The following EFHC1 variants were observed in gnomAD, a reference collection of about 807,000 sequenced individuals.
The protein encoded by EFHC1 is EF-hand domain-containing protein 1.
In EFHC1, 53 loss-of-function variants were observed where a neutral mutation model predicts 69.9. That is an observed-to-expected ratio of 0.76 (90% CI 0.61 to 0.95). EFHC1 has a LOEUF of 0.95. Among genes scored for constraint, EFHC1 ranks in the 40% least tolerant of loss-of-function variants. The probability of loss-of-function intolerance (pLI) is 0.00; values close to 1 mark genes in which losing one functional copy is unlikely to be tolerated. For synonymous variants in EFHC1, 256 were observed against 278.4 expected, an observed-to-expected ratio of 0.92 and a Z score of 0.80; for missense variants, 739 against 798.7, an observed-to-expected ratio of 0.93 and a Z score of 0.90.
chr6:52,431,300 T>TG (rs1764409153), intron 2 of EFHC1, among the ~76,000 whole-genome samples: 1 of 152,124 alleles, frequency 6.6e-6, no homozygotes, highest in Non-Finnish European at 1.5e-5. Context: ...TTAGATTGTC[T>TG]GTTAGTGCTC....
intron 2 of EFHC1, chr6:52,430,067 G>A (rs1764383803): frequency 6.6e-6 from 1 of 152,178 alleles, no homozygotes; most frequent in Non-Finnish European, 1.5e-5. Context: ...TTTGTATCCA[G>A]AAACTTCGCT....
chr6:52,435,694 C>T (rs369501184), intron 2 of EFHC1, among the ~76,000 whole-genome samples: 2 of 152,194 alleles, frequency 1.3e-5, no homozygotes, highest in Admixed American at 1.3e-4. Context: ...CTTCCTCCTC[C>T]ATCATAGCCT....
At chr6:52,478,191 C>T (rs1314117120) in intron 7 of EFHC1, among the ~76,000 whole-genome samples, 12 of 151,720 alleles carry the variant, frequency 7.9e-5, no homozygotes, top group Admixed American at 2.6e-4. Flanking sequence ...AACCAAACAC[C>T]GCATATTCTC....
chr6:52,478,256 C>T (rs1765587076), intron 7 of EFHC1, among the ~76,000 whole-genome samples: 1 of 151,236 alleles, frequency 6.6e-6, no homozygotes, highest in Admixed American at 6.6e-5. Flanking sequence ...AGGGGAATTT[C>T]ACACTCTGGG....
intron 5 of EFHC1, among the ~76,000 whole-genome samples, chr6:52,459,880 T>G (rs543304203): frequency 5.3e-5 from 8 of 152,298 alleles, no homozygotes; most frequent in Admixed American, 5.2e-4. Flanking sequence ...TTCACCATGT[T>G]AGCCAGGATG....
At chr6:52,444,316 C>G (rs1055106202) in intron 3 of EFHC1, among the ~76,000 whole-genome samples, 3 of 152,146 alleles carry the variant, frequency 2.0e-5, no homozygotes, top group African/African-American at 7.2e-5. Context: ...CCAGAACTTC[C>G]AACACTCTGT....
At chr6:52,461,017 A>G (rs1765153713) in intron 5 of EFHC1, among the ~76,000 whole-genome samples, 2 of 152,210 alleles carry the variant, frequency 1.3e-5, no homozygotes, top group Admixed American at 1.3e-4. Flanking sequence ...ACTGACATGT[A>G]TTACAGTAAT....
chr6:52,447,693 G>T (rs1764818718), intron 3 of EFHC1, among the ~76,000 whole-genome samples: 1 of 152,210 alleles, frequency 6.6e-6, no homozygotes, highest in South Asian at 2.1e-4. Context: ...TTCTCCCCAT[G>T]TTTGTGGTTT....
chr6:52,460,785 A>G (rs1765147384), intron 5 of EFHC1, among the ~76,000 whole-genome samples: 1 of 152,200 alleles, frequency 6.6e-6, no homozygotes, highest in Admixed American at 6.5e-5. Flanking sequence ...AGTGAAATAC[A>G]TTTCCAGGCA....
rs1766057768 is a variant in EFHC1, at chr6:52,496,226, A to AC, written c.*3885_*3886insC. The AC allele has an allele frequency of 1.9e-5, 3 of 154,580 alleles. No individual in the cohort carries two copies. The allele number at this position is 154,580 out of a possible 1,614,324, so 9.6% of individuals were successfully genotyped here. A position where few individuals can be genotyped will look rare whatever the true frequency, so the allele number is the denominator to read the frequency against. On this transcript the variant is annotated 3_prime_UTR_variant, in exon 11 of 11. Coordinates refer to ENST00000371068, the MANE Select transcript of EFHC1 (RefSeq NM_018100.4). ...CACACACCCACACACACACACACAC[A>AC]AAGAGAGAATGAGAATTATTAAGAT...
At chr6:52,460,357 G>A (rs571441605) in intron 5 of EFHC1, among the ~76,000 whole-genome samples, 7 of 152,264 alleles carry the variant, frequency 4.6e-5, no homozygotes, top group Admixed American at 2.6e-4. Context: ...CAGTGATTGC[G>A]TGAGGATGGT....
chr6:52,437,859 T>C (rs1392963470), intron 2 of EFHC1, among the ~76,000 whole-genome samples: 3 of 152,154 alleles, frequency 2.0e-5, no homozygotes, highest in Non-Finnish European at 4.4e-5. Context: ...GGGTTAGGGG[T>C]TCAACATATG....
intron 2 of EFHC1, chr6:52,437,683 G>A (rs1056710846): frequency 1.4e-4 from 21 of 153,344 alleles, no homozygotes; most frequent in African/African-American, 4.8e-4. Context: ...ACCTTGGTGT[G>A]TACATGTGGG....
intron 3 of EFHC1, among the ~76,000 whole-genome samples, chr6:52,440,304 A>G (rs1264523930): frequency 2.0e-5 from 3 of 152,036 alleles, no homozygotes; most frequent in Admixed American, 6.6e-5. Flanking sequence ...ACCCAACAGC[A>G]CTATAACTCA....
chr6:52,477,683 C>G (rs9382110), intron 7 of EFHC1, among the ~76,000 whole-genome samples: 2 of 152,224 alleles, frequency 1.3e-5, no homozygotes, highest in Non-Finnish European at 2.9e-5. Flanking sequence ...AAATGCTCAT[C>G]ATCACTGGCC....
intron 7 of EFHC1, among the ~76,000 whole-genome samples, chr6:52,478,237 GACACA>G (rs1765586448): frequency 6.6e-6 from 1 of 151,444 alleles, no homozygotes; most frequent in Non-Finnish European, 1.5e-5. Context: ...AGATCACATG[GACACA>G]GGAAGGGGAA....
Position 52,493,362 on chromosome 6 carries a change from C to CTCCATA in EFHC1, c.*1022_*1023insCCATAT, listed in dbSNP as rs1411204490. 3 of 172,078 alleles carry CTCCATA rather than the reference C, an allele frequency of 1.7e-5. No individual in the cohort carries two copies. Among genetic ancestry groups the CTCCATA allele is most frequent in the Non-Finnish European group, 3.3e-5 (3 of 90,968 alleles). 10.7% of individuals were successfully genotyped at this position (172,078 alleles called of 1,614,324 possible). A position where few individuals can be genotyped will look rare whatever the true frequency, so the allele number is the denominator to read the frequency against. On this transcript the variant is annotated 3_prime_UTR_variant, in exon 11 of 11. Transcript: ENST00000371068. ...CTTATAACTCTCTCTTTCTCTCTCT[C>CTCCATA]TACATATATATATATATATATATTT... is the stretch of plus-strand genomic sequence containing the variant.
chr6:52,443,600 A>G (rs1247128768), intron 3 of EFHC1, among the ~76,000 whole-genome samples: 1 of 152,016 alleles, frequency 6.6e-6, no homozygotes, highest in African/African-American at 2.4e-5. Flanking sequence ...ATGGTTGTAG[A>G]TGTGTGGTAT....
At chr6:52,462,293 T>C (rs1237395928) in intron 5 of EFHC1, among the ~76,000 whole-genome samples, 1 of 151,056 alleles carries the variant, frequency 6.6e-6, no homozygotes, top group Non-Finnish European at 1.5e-5. Flanking sequence ...AAAAAAGAGG[T>C]ACTTGGAGGA....
Sources: allele counts gnomAD v4.1 joint callset (sites outside exome capture counted in the v4.1 genomes callset), GRCh38; gene constraint gnomAD v4.1.1; transcripts MANE v1.5; gene names NCBI Gene and HGNC (gene_info 2026-07-23, HGNC 2026-07-21).